RER1: variants seen among roughly 807,000 people sequenced by gnomAD.
RER1 encodes protein RER1.
In RER1, 6 loss-of-function variants were observed where a neutral mutation model predicts 28.3. The observed-to-expected ratio is 0.21, with a 90% CI of 0.12 to 0.42. The LOEUF is 0.42. Among genes scored for constraint, RER1 ranks in the 10% least tolerant of loss-of-function variants. RER1 has a pLI of 1.00. For missense variants in RER1, 159 were observed against 252.9 expected (o/e 0.63, Z 2.52); for synonymous variants, 110 against 95.9 (o/e 1.15, Z -0.86).
At chr1:2,392,292 G>A (rs1642689686) in intron 1 of RER1, among the ~76,000 whole-genome samples, 1 of 152,162 alleles carries the variant, frequency 6.6e-6, no homozygotes, top group Admixed American at 6.5e-5. Flanking sequence ...GGCATCTGGG[G>A]GAAGCGGGCA....
At chr1:2,397,319 G>T in intron 3 of RER1, 99 bp downstream of exon 3, 1 of 785,882 alleles carries the variant, frequency 1.3e-6, no homozygotes, top group East Asian at 2.5e-5. Flanking sequence ...TGCAGGAAGT[G>T]GTCTCTAGTA....
At chr1:2,395,137 A>G (rs1282043590) in intron 1 of RER1, 2 of 152,538 alleles carry the variant, frequency 1.3e-5, no homozygotes, top group Non-Finnish European at 2.9e-5. Context: ...GAACAATGTG[A>G]CCTCTGGCAC....
chr1:2,402,408 A>T, intron 6 of RER1, 66 bp downstream of exon 6: 1 of 1,604,286 alleles, frequency 6.2e-7, no homozygotes, highest in Admixed American at 1.7e-5. Context: ...GCATTGGGGG[A>T]GCTGTGCTGG....
At chr1:2,395,212 C>A (rs1408555441) in intron 1 of RER1, 1 of 155,750 alleles carries the variant, frequency 6.4e-6, no homozygotes, top group Non-Finnish European at 1.4e-5. Context: ...GATACGTTAC[C>A]TCCGCTTGCC....
rs1201959283 is a variant in RER1 at position 2,394,006 on chromosome 1, C to T, written c.-7-1778C>T. 2.6e-5 allele frequency: 4 copies of T among 152,170 alleles called. No individual in the cohort carries two copies. The East Asian group carries it at 7.7e-4, about 29-fold the overall frequency. The allele number at this position is 152,170 out of a possible 1,614,324, so 9.4% of individuals were successfully genotyped here. On this transcript the variant is annotated intron_variant, in intron 1 of 6. Transcript: ENST00000605895. ...CATCACCTCCAGTCCAGTAAAAGTGCTTTAATGGGAAACAGTCTGAGTAAA... is the reference window on the plus strand; with the variant it reads ...CATCACCTCCAGTCCAGTAAAAGTGTTTTAATGGGAAACAGTCTGAGTAAA...
intron 1 of RER1, chr1:2,393,160 C>T (rs945090355): frequency 2.1e-4 from 10 of 47,684 alleles, no homozygotes; most frequent in African/African-American, 8.3e-4. Context: ...TCCTCATGGT[C>T]TCTGCTTGGA....
chr1:2,402,913 C>T lies in RER1; in HGVS notation c.502-122C>T, dbSNP rs1256994830. ...ATGTGGGCGCAGGAAGCCACTGGGGCTCCGATTCCACTTGTCTGATGTATA... is the reference window on the plus strand; with the variant it reads ...ATGTGGGCGCAGGAAGCCACTGGGGTTCCGATTCCACTTGTCTGATGTATA... On this transcript the variant is annotated intron_variant, in intron 6 of 6. Transcript: ENST00000605895. 7.8e-6 allele frequency: 6 copies of T among 764,502 alleles called. No individual in the cohort carries two copies. In the East Asian group the frequency reaches 1.3e-4, roughly 16 times the overall value. The allele number at this position is 764,502 out of a possible 1,614,324, so 47.4% of individuals were successfully genotyped here.
At chr1:2,397,787 C>T (rs1012916838) in intron 3 of RER1, among the ~76,000 whole-genome samples, 6 of 152,200 alleles carry the variant, frequency 3.9e-5, no homozygotes, top group African/African-American at 1.4e-4. Context: ...CAGACTTCAC[C>T]TGGGTGCTCC....
intron 4 of RER1, among the ~76,000 whole-genome samples, chr1:2,400,111 C>T (rs1642824323): frequency 6.6e-6 from 1 of 152,228 alleles, no homozygotes; most frequent in Non-Finnish European, 1.5e-5. Context: ...TCATGCCTGA[C>T]TGGCCAGCCC....
chr1:2,397,176 C>T lies in RER1; in HGVS notation c.142C>T (p.Leu48=), dbSNP rs1642779130. 1 of 1,614,090 alleles carries T rather than the reference C, an allele frequency of 6.2e-7. No homozygotes were observed. Among genetic ancestry groups the T allele is most frequent in the East Asian group, 2.2e-5 (1 of 44,876 alleles). The part of the protein sequence containing the change: ...PYTAVRWVVT[L]GLSFVYMIRV... ...CACGGCTGTGCGATGGGTCGTGACA[C>T]TGGGCCTGAGCTTTGTCTACATGAT... The change falls in exon 3 of 7, where the codon CTG becomes TTG. Residue 48 remains leucine, a synonymous_variant. Coordinates refer to ENST00000605895, the MANE Select transcript of RER1 (RefSeq NM_007033.5).
Position 2,405,338 on chromosome 1 carries a change from C to T in RER1, c.*2214C>T. On this transcript the variant is annotated 3_prime_UTR_variant, in exon 7 of 7. Transcript: ENST00000605895. ...AAGCAACCCGCCAGCCTCCGTGCCC[C>T]ACCCCACCCAGCACGCACTCATTCA... is the stretch of plus-strand genomic sequence containing the variant. 8.9e-6 allele frequency: 3 copies of T among 335,378 alleles called. No homozygotes were observed. The highest frequency in any genetic ancestry group is 4.8e-5 in the South Asian group (2 of 41,692). 20.8% of individuals were successfully genotyped at this position (335,378 alleles called of 1,614,324 possible).
chr1:2,392,897 T>C (rs3820010), intron 1 of RER1, among the ~76,000 whole-genome samples: 45,834 of 152,092 alleles, frequency 0.3, 7,429 homozygotes, highest in East Asian at 0.51. Flanking sequence ...AGACGGGGTC[T>C]GGGAGGGCAT....
At position 2,404,308 on chromosome 1, in the gene RER1, G is replaced by C. The variant is rs1201656141; in HGVS notation, c.*1184G>C. 1 of 152,278 alleles carries C rather than the reference G, an allele frequency of 6.6e-6. No homozygotes were observed. Among genetic ancestry groups the C allele is most frequent in the Admixed American group, 6.5e-5 (1 of 15,280 alleles). 9.4% of individuals were successfully genotyped at this position (152,278 alleles called of 1,614,324 possible). A position where few individuals can be genotyped will look rare whatever the true frequency, so the allele number is the denominator to read the frequency against. On this transcript the variant is annotated 3_prime_UTR_variant, in exon 7 of 7. Coordinates refer to ENST00000605895, the MANE Select transcript of RER1 (RefSeq NM_007033.5). ...TCAAGCTTGTGTGTCCCTGACCCAA[G>C]ATAGCCAGTGCTGCTCCCAGGTGGT...
intron 5 of RER1, among the ~76,000 whole-genome samples, chr1:2,401,599 A>G (rs1294052733): frequency 4.0e-5 from 6 of 151,562 alleles, no homozygotes; most frequent in Admixed American, 3.3e-4. Flanking sequence ...CTTGTCCCTC[A>G]TACCCCACTC....
chr1:2,402,751 G>C (rs939775610), intron 6 of RER1, among the ~76,000 whole-genome samples: 1 of 152,218 alleles, frequency 6.6e-6, no homozygotes, highest in Non-Finnish European at 1.5e-5. Flanking sequence ...CTCTGTGCCC[G>C]GGGTGTTGGC....
rs1642933159 is a variant in RER1 at position 2,404,540 on chromosome 1, TG to T, written c.*1417del. 6.6e-6 allele frequency: 1 copy of T among 152,252 alleles called. No individual in the cohort carries two copies. The highest frequency in any genetic ancestry group is 1.5e-5 in the Non-Finnish European group (1 of 68,080). 9.4% of individuals were successfully genotyped at this position (152,252 alleles called of 1,614,324 possible). ...CTGCCCACCCGGCCGCAGCCCCCAG[TG>T]CCTCTCCTGGTGGTCCTCCCAGTCT... On this transcript the variant is annotated 3_prime_UTR_variant, in exon 7 of 7. Coordinates refer to ENST00000605895, the MANE Select transcript of RER1 (RefSeq NM_007033.5).
intron 1 of RER1, 102 bp downstream of exon 1, chr1:2,392,060 G>T: frequency 6.6e-6 from 1 of 151,652 alleles, no homozygotes; most frequent in South Asian, 2.0e-4. Context: ...GCTGAGGGCC[G>T]GGCGGGGAGG....
rs540162023 is a variant in RER1 at position 2,404,122 on chromosome 1, C to T, written c.*998C>T. The stretch of plus-strand genomic sequence containing the variant: ...GCTGTGGTCCCAGATGAGACACTGA[C>T]ATGCGAGTGAAGGCCTCTCCTCCTG... On this transcript the variant is annotated 3_prime_UTR_variant, in exon 7 of 7. Coordinates refer to ENST00000605895, the MANE Select transcript of RER1 (RefSeq NM_007033.5). The T allele has an allele frequency of 9.8e-5, 15 of 152,354 alleles. No individual in the cohort carries two copies. Among genetic ancestry groups the T allele is most frequent in the South Asian group, 8.3e-4 (4 of 4,830 alleles). The allele number at this position is 152,354 out of a possible 1,614,324, so 9.4% of individuals were successfully genotyped here.
chr1:2,405,332 G>A lies in RER1; in HGVS notation c.*2208G>A, dbSNP rs886241541. On this transcript the variant is annotated 3_prime_UTR_variant, in exon 7 of 7. Transcript: ENST00000605895. Reference sequence around the variant, plus strand: ...TGGCTGAAGCAACCCGCCAGCCTCCGTGCCCCACCCCACCCAGCACGCACT... The same window carrying A: ...TGGCTGAAGCAACCCGCCAGCCTCCATGCCCCACCCCACCCAGCACGCACT... 19 of 331,156 alleles carry A rather than the reference G, an allele frequency of 5.7e-5. No individual in the cohort carries two copies. Among genetic ancestry groups the A allele is most frequent in the Non-Finnish European group, 1.1e-4 (18 of 170,364 alleles). The allele number at this position is 331,156 out of a possible 1,614,324, so 20.5% of individuals were successfully genotyped here.
Sources: gnomAD v4.1 joint callset for allele counts (sites outside exome capture counted in the v4.1 genomes callset) on GRCh38, gnomAD v4.1.1 for gene constraint, MANE v1.5 for transcripts, NCBI Gene and HGNC (gene_info 2026-07-23, HGNC 2026-07-21) for gene names.